Variants in ZMYM5 observed in about 807,000 individuals in gnomAD.
ZMYM5 encodes the protein zinc finger MYM-type containing 5, also known as zinc finger MYM-type protein 5.
In ZMYM5, 41 loss-of-function variants were observed where a neutral mutation model predicts 61.8. That is an observed-to-expected ratio of 0.66 (90% CI 0.52 to 0.86). The LOEUF (loss-of-function observed/expected upper bound fraction) is 0.86. ZMYM5 is among the 40% of genes least tolerant of loss of function. ZMYM5 has a pLI of 0.00. For synonymous variants in ZMYM5, 257 were observed against 276.4 expected (o/e 0.93, Z 0.70); for missense variants, 706 against 786.7 (o/e 0.90, Z 1.23).
intron 4 of ZMYM5, among the ~76,000 whole-genome samples, chr13:19,844,903 G>A (rs55779226): frequency 0.1 from 15,551 of 152,244 alleles, 917 homozygotes; most frequent in African/African-American, 0.16. Context: ...GATTATAGGC[G>A]TCAGCCATCG....
intron 4 of ZMYM5, among the ~76,000 whole-genome samples, chr13:19,844,626 A>G (rs985418382): frequency 6.6e-6 from 1 of 152,132 alleles, no homozygotes; most frequent in Non-Finnish European, 1.5e-5. Flanking sequence ...ACAGAAAAAG[A>G]ACTCTTTCTT....
At chr13:19,828,902 G>A (rs979970444) in intron 7 of ZMYM5, among the ~76,000 whole-genome samples, 3 of 152,180 alleles carry the variant, frequency 2.0e-5, no homozygotes, top group African/African-American at 7.2e-5. Context: ...TTCAATGATG[G>A]ATGGCATATA....
At chr13:19,858,178 CAG>C (rs1953580098) in intron 2 of ZMYM5, among the ~76,000 whole-genome samples, 3 of 148,834 alleles carry the variant, frequency 2.0e-5, no homozygotes, top group Admixed American at 6.7e-5. Flanking sequence ...GTCTGGGCAA[CAG>C]AGTTAGACCT....
intron 4 of ZMYM5, among the ~76,000 whole-genome samples, chr13:19,850,732 T>C (rs978848958): frequency 3.9e-5 from 6 of 152,124 alleles, no homozygotes; most frequent in Non-Finnish European, 8.8e-5. Flanking sequence ...ATATATTACT[T>C]TGTTCTTTCA....
In ZMYM5 at chr13:19,825,125, T is replaced by C. The variant is rs1890848946; in HGVS notation, c.1362A>G (p.Lys454=). ...QLYGSSNTLL[K]KIEGIPEKKE... ...TTTTTTCTGGGATTCCCTCTATTTT[T>C]TTCAAAAGTGTATTTGACGATCCAT... Residue 454 remains lysine (K), a synonymous_variant, in exon 8 of 8, where the codon AAA becomes AAG. Transcript: ENST00000337963. The C allele has an allele frequency of 7.3e-7, 1 of 1,361,988 alleles. No individual in the cohort carries two copies. Among genetic ancestry groups the C allele is most frequent in the Non-Finnish European group, 9.8e-7 (1 of 1,019,160 alleles). The allele number at this position is 1,361,988 out of a possible 1,614,324, so 84.4% of individuals were successfully genotyped here. A position where few individuals can be genotyped will look rare whatever the true frequency, so the allele number is the denominator to read the frequency against.
In ZMYM5 at chr13:19,824,499, C is replaced by T; in HGVS notation, c.1988G>A (p.Gly663Asp). Residue 663 changes from glycine (G) to aspartate (D), a missense_variant, in exon 8 of 8, where the codon GGT becomes GAT. By Grantham distance (94) the Gly-to-Asp change is moderately conservative. Around this residue, in one of 2 missense-constraint regions of ZMYM5, gnomAD observed 226 missense variants for 325.0 expected, o/e 0.70. Transcript: ENST00000337963. ...HRLYENEKND[G>D]VLLLYT The stretch of plus-strand genomic sequence containing the variant: ...ATATTACGTGTACAACAACAGCACA[C>T]CATCATTTTTCTCATTTTCATATAA... The T allele has an allele frequency of 7.6e-7, 1 of 1,311,472 alleles. No individual in the cohort carries two copies. The highest frequency in any genetic ancestry group is 1.5e-5 in the African/African-American group (1 of 65,776). 81.2% of individuals were successfully genotyped at this position (1,311,472 alleles called of 1,614,324 possible). A position where few individuals can be genotyped will look rare whatever the true frequency, so the allele number is the denominator to read the frequency against.
intron 2 of ZMYM5, 43 bp from the exon 3 acceptor site, chr13:19,852,233 G>T: frequency 6.8e-7 from 1 of 1,472,796 alleles, no homozygotes; most frequent in South Asian, 1.5e-5. Flanking sequence ...AGTATGTTAT[G>T]GTTTTTGCAT....
intron 2 of ZMYM5, among the ~76,000 whole-genome samples, chr13:19,858,965 T>C (rs1566111923): frequency 6.6e-6 from 1 of 152,088 alleles, no homozygotes; most frequent in Non-Finnish European, 1.5e-5. Context: ...TTTTCTTTGA[T>C]AAGATAGAAC....
chr13:19,841,701 T>C (rs1421003992), intron 4 of ZMYM5: 1 of 152,206 alleles, frequency 6.6e-6, no homozygotes, highest in Non-Finnish European at 1.5e-5. Flanking sequence ...TGAGCTTTTT[T>C]TTTTTTGTAC....
chr13:19,839,015 G>T, intron 4 of ZMYM5, 30 bp from the exon 5 acceptor site: 1 of 1,591,012 alleles, frequency 6.3e-7, no homozygotes, highest in Non-Finnish European at 8.5e-7. Flanking sequence ...AAAAATCATG[G>T]AACAAATCAA....
In ZMYM5 at chr13:19,838,970, T is replaced by C. The variant is rs1952768440; in HGVS notation, c.602A>G (p.Gln201Arg). ...CTGATTACTGGGAAATGAAGCTGAC[T>C]GGGAGATCCAAGAATCTTAAAAATG... ...THHSPDSWIS[Q>R]SASFPSNQKQ... is the part of the protein sequence containing the mutation. The change falls in exon 5 of 8, where the codon CAG becomes CGG. Residue 201 changes from glutamine (Q) to arginine (R), a missense_variant. Coordinates refer to ENST00000337963, the MANE Select transcript of ZMYM5 (RefSeq NM_001142684.2). The C allele has an allele frequency of 6.2e-7, 1 of 1,608,754 alleles. No homozygotes were observed. Among genetic ancestry groups the C allele is most frequent in the Non-Finnish European group, 8.5e-7 (1 of 1,177,192 alleles).
chr13:19,852,533 T>C (rs994116210), intron 2 of ZMYM5, among the ~76,000 whole-genome samples: 5 of 152,202 alleles, frequency 3.3e-5, no homozygotes, highest in African/African-American at 9.6e-5. Context: ...TTATATTCCA[T>C]ATGCTTTTAC....
Position 19,851,698 on chromosome 13 carries a change from T to G in ZMYM5, c.483A>C (p.Ser161=), listed in dbSNP as rs1326729811. 1 of 1,569,904 alleles carries G rather than the reference T, an allele frequency of 6.4e-7. No homozygotes were observed. ...CCATTCCTGCATTTACCTTACTTCT[T>G]GAAAGACTGGAAGTGGAGAAATCCA... ...NDLDFSTSSL[S]RSKTKTGVRP... Residue 161 remains serine, a synonymous_variant, in exon 3 of 8, where the codon TCA becomes TCC. Coordinates refer to ENST00000337963, the MANE Select transcript of ZMYM5 (RefSeq NM_001142684.2).
chr13:19,850,507 A>G (rs1051565777), intron 4 of ZMYM5, among the ~76,000 whole-genome samples: 2 of 152,060 alleles, frequency 1.3e-5, no homozygotes, highest in Admixed American at 6.6e-5. Context: ...AGGCTGAGGC[A>G]GGAGAATCAG....
At chr13:19,830,574 C>T (rs1193244217) in intron 7 of ZMYM5, among the ~76,000 whole-genome samples, 1 of 152,068 alleles carries the variant, frequency 6.6e-6, no homozygotes, top group East Asian at 1.9e-4. Context: ...CACACTGTCA[C>T]CCAGGCTGGA....
At chr13:19,854,998 G>T (rs186869224) in intron 2 of ZMYM5, among the ~76,000 whole-genome samples, 1 of 152,070 alleles carries the variant, frequency 6.6e-6, no homozygotes, top group Admixed American at 6.5e-5. Context: ...TTTACATAAG[G>T]CTGTTTCAAA....
chr13:19,826,074 A>G (rs1890903321), intron 7 of ZMYM5, among the ~76,000 whole-genome samples: 1 of 151,744 alleles, frequency 6.6e-6, no homozygotes, highest in African/African-American at 2.4e-5. Context: ...AAGAGAGAAC[A>G]AAAGTCTTGG....
At position 19,838,617 on chromosome 13, in the gene ZMYM5, A is replaced by C. The variant is rs1275965604; in HGVS notation, c.872+83T>G. On this transcript the variant is annotated intron_variant, in intron 5 of 7. Transcript: ENST00000337963. Reference sequence around the variant, plus strand: ...CTGCAACAATTCTACCCATAAATCTATCCAGCTCTGCAGTTATATTGAGTA... The same window carrying C: ...CTGCAACAATTCTACCCATAAATCTCTCCAGCTCTGCAGTTATATTGAGTA... 3 of 1,502,376 alleles carry C rather than the reference A, an allele frequency of 2.0e-6. No individual in the cohort carries two copies. In the Admixed American group the frequency reaches 5.6e-5, roughly 28 times the overall value. 93.1% of individuals were successfully genotyped at this position (1,502,376 alleles called of 1,614,324 possible).
chr13:19,859,000 C>T (rs1953618711), intron 2 of ZMYM5, among the ~76,000 whole-genome samples: 1 of 151,638 alleles, frequency 6.6e-6, no homozygotes, highest in South Asian at 2.1e-4. Context: ...TTGGGTTCAC[C>T]AAGCACTGGG....
Sources: allele counts gnomAD v4.1 joint callset (sites outside exome capture counted in the v4.1 genomes callset), GRCh38; gene constraint gnomAD v4.1.1; regional missense constraint gnomAD v4.1.1; transcripts MANE v1.5; gene names NCBI Gene and HGNC (gene_info 2026-07-23, HGNC 2026-07-21).